Variants in UNC5C observed in about 807,000 individuals in gnomAD.
The protein encoded by UNC5C is unc-5 netrin receptor C, also known as netrin receptor UNC5C.
In UNC5C, 47 loss-of-function variants were observed where a neutral mutation model predicts 99.8. The observed-to-expected ratio is 0.47, with a 90% confidence interval of 0.37 to 0.60. The LOEUF (loss-of-function observed/expected upper bound fraction) is 0.60, where lower values mean the gene tolerates loss of function less well. Ranked by LOEUF, UNC5C falls within the 20% of genes least tolerant of loss-of-function variation. The pLI is 0.00. For synonymous variants in UNC5C, 487 were observed against 452.2 expected, an observed-to-expected ratio of 1.08 and a Z score of -0.98; for missense variants, 1,062 against 1,165.9, an observed-to-expected ratio of 0.91 and a Z score of 1.30.
intron 10 of UNC5C, among the ~76,000 whole-genome samples, chr4:95,215,510 ACTT>A (rs1327300530): frequency 9.2e-5 from 14 of 152,040 alleles, no homozygotes; most frequent in Admixed American, 1.3e-4. Flanking sequence ...ACTTAAAATA[ACTT>A]CTTCTTTATG....
chr4:95,372,092 C>T (rs1026706368), intron 1 of UNC5C, among the ~76,000 whole-genome samples: 3 of 152,112 alleles, frequency 2.0e-5, no homozygotes, highest in Non-Finnish European at 4.4e-5. Context: ...CCTAGACACC[C>T]ATGCCTGTTG....
chr4:95,407,911 A>G (rs1314342952), intron 1 of UNC5C, among the ~76,000 whole-genome samples: 4 of 152,218 alleles, frequency 2.6e-5, no homozygotes, highest in Admixed American at 2.0e-4. Flanking sequence ...TGTTAAGAAT[A>G]ATAGAATAAA....
intron 1 of UNC5C, among the ~76,000 whole-genome samples, chr4:95,389,724 A>T (rs926017213): frequency 2.0e-5 from 3 of 152,118 alleles, no homozygotes; most frequent in African/African-American, 7.2e-5. Context: ...TTCTGATGAA[A>T]ATTTAAAATC....
At chr4:95,322,663 G>A (rs1389586712) in intron 2 of UNC5C, among the ~76,000 whole-genome samples, 1 of 151,952 alleles carries the variant, frequency 6.6e-6, no homozygotes, top group East Asian at 1.9e-4. Flanking sequence ...TATTGGCCAG[G>A]CACGGTGGCT....
intron 1 of UNC5C, among the ~76,000 whole-genome samples, chr4:95,382,864 T>C (rs904595073): frequency 3.3e-5 from 5 of 152,198 alleles, no homozygotes; most frequent in African/African-American, 1.2e-4. Flanking sequence ...AAATGCTCCA[T>C]TGTCCAAATT....
intron 2 of UNC5C, among the ~76,000 whole-genome samples, chr4:95,329,247 G>A (rs923978463): frequency 2.0e-5 from 3 of 152,142 alleles, no homozygotes; most frequent in Admixed American, 6.5e-5. Flanking sequence ...CTATGATCAT[G>A]CCACTGCATT....
chr4:95,244,478 A>G (rs9307157), intron 6 of UNC5C, among the ~76,000 whole-genome samples: 6,608 of 152,308 alleles, frequency 0.043, 176 homozygotes, highest in South Asian at 0.1. Context: ...AGAATCCATT[A>G]TCCCAAGTAC....
At chr4:95,359,265 C>T (rs368699275) in intron 1 of UNC5C, among the ~76,000 whole-genome samples, 6 of 152,190 alleles carry the variant, frequency 3.9e-5, no homozygotes, top group East Asian at 3.9e-4. Flanking sequence ...TGCCAAGTTG[C>T]CAATTACTTT....
chr4:95,319,242 T>C (rs1251256565), intron 2 of UNC5C, among the ~76,000 whole-genome samples: 2 of 152,176 alleles, frequency 1.3e-5, no homozygotes, highest in Admixed American at 6.5e-5. Context: ...ATTAAATTAT[T>C]ATCTCTGGGG....
Position 95,245,048 on chromosome 4 carries a change from G to T in UNC5C, c.872C>A (p.Ala291Glu). ...QKRTRTCTNP[A>E]PLNGGAFCEG... ...ACAGAAGGCACCCCCATTGAGTGGT[G>T]CCGGGTTGGTACAAGTCCTTGTACG... Residue 291 changes from alanine (A) to glutamate (E), a missense_variant, in exon 6 of 16, where the codon GCA becomes GAA. Coordinates refer to ENST00000453304, the MANE Select transcript of UNC5C (RefSeq NM_003728.4). 3 of 1,614,100 alleles carry T rather than the reference G, an allele frequency of 1.9e-6. No homozygotes were observed. Among genetic ancestry groups the T allele is most frequent in the Non-Finnish European group, 1.7e-6 (2 of 1,180,004 alleles).
intron 4 of UNC5C, among the ~76,000 whole-genome samples, chr4:95,258,709 GTTA>G (rs909617950): frequency 7.9e-6 from 1 of 126,192 alleles, no homozygotes; most frequent in Non-Finnish European, 1.7e-5. Flanking sequence ...GTTGTTTGGT[GTTA>G]TTAGTCCCAC....
chr4:95,208,955 GTTGGAAGACAATTATCCATGGA>G (rs1225309286), intron 10 of UNC5C, among the ~76,000 whole-genome samples: 2 of 152,100 alleles, frequency 1.3e-5, no homozygotes, highest in African/African-American at 4.8e-5. Context: ...TGTTAATATT[GTTGGAAGACAATTATCCATGGA>G]TTTCTCATGT....
intron 12 of UNC5C, among the ~76,000 whole-genome samples, chr4:95,188,758 C>T (rs764908150): frequency 2.6e-5 from 4 of 152,170 alleles, no homozygotes; most frequent in African/African-American, 9.7e-5. Flanking sequence ...TGCTTCCTCT[C>T]CCTGGGAACA....
chr4:95,509,521 T>C (rs1460834003), intron 1 of UNC5C, among the ~76,000 whole-genome samples: 2 of 151,872 alleles, frequency 1.3e-5, no homozygotes, highest in Non-Finnish European at 2.9e-5. Context: ...AATCTGAAGC[T>C]TGACATCCAT....
intron 2 of UNC5C, among the ~76,000 whole-genome samples, chr4:95,333,520 A>G (rs1743206139): frequency 6.9e-6 from 1 of 144,322 alleles, no homozygotes; most frequent in African/African-American, 2.5e-5. Flanking sequence ...GAATTGAACA[A>G]TGAGAACACA....
intron 2 of UNC5C, among the ~76,000 whole-genome samples, chr4:95,317,044 C>T (rs1742503266): frequency 1.3e-5 from 2 of 151,450 alleles, no homozygotes; most frequent in Admixed American, 1.3e-4. Context: ...GGAATGGGAC[C>T]ACATATAACC....
intron 4 of UNC5C, among the ~76,000 whole-genome samples, chr4:95,260,692 C>T (rs76150029): frequency 1.3e-5 from 2 of 152,050 alleles, no homozygotes; most frequent in African/African-American, 4.8e-5. Flanking sequence ...GAAGAGGGCA[C>T]CTTGTACTCC....
chr4:95,402,371 T>C (rs1237422639), intron 1 of UNC5C, among the ~76,000 whole-genome samples: 3 of 152,242 alleles, frequency 2.0e-5, no homozygotes, highest in Non-Finnish European at 4.4e-5. Context: ...TATGTTTAAG[T>C]GTGGGCTCTG....
chr4:95,363,812 A>T (rs918014838), intron 1 of UNC5C, among the ~76,000 whole-genome samples: 1 of 152,166 alleles, frequency 6.6e-6, no homozygotes, highest in Non-Finnish European at 1.5e-5. Flanking sequence ...TCCAGGAGTC[A>T]AATTTAGACC....
Sources: gnomAD v4.1 joint callset for allele counts (sites outside exome capture counted in the v4.1 genomes callset) on GRCh38, gnomAD v4.1.1 for gene constraint, MANE v1.5 for transcripts, NCBI Gene and HGNC (gene_info 2026-07-23, HGNC 2026-07-21) for gene names.